Variants in USP9X observed in about 807,000 individuals in gnomAD.
USP9X encodes the protein ubiquitin specific peptidase 9 X-linked, also known as ubiquitin carboxyl-terminal hydrolase 9X.
Under a neutral mutation model 190.3 loss-of-function variants are expected in USP9X, and 7 were observed. The observed-to-expected ratio is 0.04, with a 90% CI of 0.02 to 0.07. The LOEUF (loss-of-function observed/expected upper bound fraction) is 0.07. Ranked by LOEUF, USP9X falls within the 10% of genes least tolerant of loss-of-function variation. The pLI is 1.00. For synonymous variants in USP9X, 645 were observed against 659.5 expected, an observed-to-expected ratio of 0.98 and a Z score of 0.34; for missense variants, 1,010 against 1,916.9, an observed-to-expected ratio of 0.53 and a Z score of 8.83.
At chrX:41,103,945 A>G (rs748205382) in intron 1 of USP9X, among the ~76,000 whole-genome samples, 19 of 111,920 alleles carry the variant, frequency 1.7e-4, no homozygotes, top group African/African-American at 6.2e-4. Flanking sequence ...GTTGTGTAGC[A>G]CCACATAATT....
In USP9X at chrX:41,232,660, C is replaced by T; in HGVS notation, c.*136C>T. On this transcript the variant is annotated 3_prime_UTR_variant, in exon 45 of 45. Coordinates refer to ENST00000378308, the MANE Select transcript of USP9X (RefSeq NM_001039591.3). ...ATGGAGTGGAGAGTTTATTCACTGT[C>T]TTATCTGCAGAAATTTGCTGTCAAT... 1 of 867,177 alleles carries T rather than the reference C, an allele frequency of 1.2e-6. No individual in the cohort carries two copies. The highest frequency in any genetic ancestry group is 1.6e-6 in the Non-Finnish European group (1 of 637,022). 71.5% of individuals were successfully genotyped at this position (867,177 alleles called of 1,213,427 possible).
chrX:41,203,974 A>G (rs1793067619), intron 31 of USP9X, among the ~76,000 whole-genome samples: 1 of 112,032 alleles, frequency 8.9e-6, no homozygotes, highest in African/African-American at 3.2e-5. Context: ...CTGGGATTAT[A>G]GGCATGAGCC....
At chrX:41,150,265 A>G (rs1367763635) in intron 12 of USP9X, among the ~76,000 whole-genome samples, 1 of 111,491 alleles carries the variant, frequency 9.0e-6, no homozygotes, top group Non-Finnish European at 1.9e-5. Context: ...TCTGATTACT[A>G]TTGACTTTAG....
intron 3 of USP9X, 48 bp from the exon 4 acceptor site, chrX:41,131,409 T>C (rs754804736): frequency 1.9e-6 from 2 of 1,069,282 alleles, no homozygotes; most frequent in South Asian, 4.3e-5. Context: ...GTAGTGCCTC[T>C]TTTAGTGTAC....
intron 5 of USP9X, 111 bp downstream of exon 5, chrX:41,134,948 T>A: frequency 1.8e-6 from 1 of 561,624 alleles, no homozygotes; most frequent in Non-Finnish European, 2.7e-6. Flanking sequence ...ATAATTGAAT[T>A]AAAAGGTCTA....
At chrX:41,215,832 TG>T in intron 34 of USP9X, 66 bp from the exon 35 acceptor site, 3 of 1,074,620 alleles carry the variant, frequency 2.8e-6, no homozygotes, top group Admixed American at 3.2e-5. Context: ...AAAGTTTGCT[TG>T]GGGTTTTTTT....
intron 5 of USP9X, 26 bp downstream of exon 5, chrX:41,134,863 G>GC: frequency 4.4e-6 from 5 of 1,126,491 alleles, no homozygotes; most frequent in Non-Finnish European, 6.1e-6. Context: ...GACTTTAAAG[G>GC]ATCAGATTTA....
intron 2 of USP9X, among the ~76,000 whole-genome samples, chrX:41,125,513 C>CT (rs898380006): frequency 9.3e-6 from 1 of 107,366 alleles, no homozygotes; most frequent in Non-Finnish European, 1.9e-5. Flanking sequence ...TTTTTATTAT[C>CT]TTTTTTGTGT....
At chrX:41,159,642 G>A (rs1414740509) in intron 14 of USP9X, among the ~76,000 whole-genome samples, 1 of 110,530 alleles carries the variant, frequency 9.0e-6, no homozygotes, top group Non-Finnish European at 1.9e-5. Context: ...TGATTATCAT[G>A]CCTCAACCTC....
chrX:41,191,832 A>G (rs2062938018), intron 26 of USP9X, among the ~76,000 whole-genome samples: 1 of 112,321 alleles, frequency 8.9e-6, no homozygotes, highest in South Asian at 3.7e-4. Context: ...TGGAAGGAGC[A>G]AAAGTGAAGG....
Position 41,229,555 on chromosome X carries a change from T to C in USP9X, c.7219-12T>C. ...AATCCTCTTATCTATATGGTTTTATTTTCTTTTGCAGGGCAATGGAGATCT... is the reference window on the plus strand; with the variant it reads ...AATCCTCTTATCTATATGGTTTTATCTTCTTTTGCAGGGCAATGGAGATCT... On this transcript the variant is annotated splice_polypyrimidine_tract_variant and intron_variant, in intron 42 of 44. Coordinates refer to ENST00000378308, the MANE Select transcript of USP9X (RefSeq NM_001039591.3). 1 of 1,207,412 alleles carries C rather than the reference T, an allele frequency of 8.3e-7. No individual in the cohort carries two copies. Among genetic ancestry groups the C allele is most frequent in the Non-Finnish European group, 1.1e-6 (1 of 894,035 alleles).
chrX:41,087,424 C>CT (rs768497805), intron 1 of USP9X, among the ~76,000 whole-genome samples: 2 of 112,343 alleles, frequency 1.8e-5, no homozygotes, highest in South Asian at 7.3e-4. Context: ...AAAATAGAGA[C>CT]TATAAACTCT....
chrX:41,125,684 A>T (rs1263920), intron 2 of USP9X, among the ~76,000 whole-genome samples: 3,096 of 18,601 alleles, frequency 0.17, 373 homozygotes, highest in African/African-American at 0.27. Context: ...ACACACACAC[A>T]CTCTCTCTCT....
intron 1 of USP9X, among the ~76,000 whole-genome samples, chrX:41,118,807 C>A (rs1003571928): frequency 2.7e-5 from 3 of 111,726 alleles, no homozygotes; most frequent in African/African-American, 9.8e-5. Context: ...GTAGAGCCAA[C>A]TCTCTAGTGG....
rs185275191 is a variant in USP9X at position 41,188,959 on chromosome X, G to T, written c.3811-350G>T. Among the ~76,000 whole-genome samples, 20 of 112,104 alleles carry T rather than the reference G, an allele frequency of 1.8e-4. No homozygotes were observed. The East Asian group carries it at 5.6e-3, about 31-fold the overall frequency. The stretch of plus-strand genomic sequence containing the variant: ...TGGCACAATAGGCAAGCAACATAAT[G>T]GAACTAGTCAAAAGTACCTAAGTGC... On this transcript the variant is annotated intron_variant, in intron 25 of 44. Coordinates refer to ENST00000378308, the MANE Select transcript of USP9X (RefSeq NM_001039591.3).
Position 41,197,550 on chromosome X carries a change from C to T in USP9X, c.4380+40C>T, listed in dbSNP as rs998295606. On this transcript the variant is annotated intron_variant, in intron 29 of 44. Transcript: ENST00000378308. ...CTTGGTTGTAAGCTACATATCATAACCTTCTAAATGTTTATAATCAAATTT... is the reference window on the plus strand; with the variant it reads ...CTTGGTTGTAAGCTACATATCATAATCTTCTAAATGTTTATAATCAAATTT... 5 of 1,132,338 alleles carry T rather than the reference C, an allele frequency of 4.4e-6. No individual in the cohort carries two copies. In the South Asian group the frequency reaches 1.0e-4, roughly 24 times the overall value. The allele number at this position is 1,132,338 out of a possible 1,213,427, so 93.3% of individuals were successfully genotyped here. A position where few individuals can be genotyped will look rare whatever the true frequency, so the allele number is the denominator to read the frequency against.
intron 1 of USP9X, among the ~76,000 whole-genome samples, chrX:41,099,911 C>G (rs1009006396): frequency 1.3e-4 from 15 of 111,617 alleles, no homozygotes; most frequent in Non-Finnish European, 1.9e-4. Flanking sequence ...TAGATACTCT[C>G]TACCCTCTTC....
chrX:41,092,960 A>G (rs2061964934), intron 1 of USP9X, among the ~76,000 whole-genome samples: 1 of 110,766 alleles, frequency 9.0e-6, no homozygotes, highest in Non-Finnish European at 1.9e-5. Context: ...GTAGCCTGGA[A>G]TTCCTGGGTT....
chrX:41,173,801 C>CA (rs1330128043), intron 21 of USP9X, among the ~76,000 whole-genome samples: 1 of 111,532 alleles, frequency 9.0e-6, no homozygotes, highest in Non-Finnish European at 1.9e-5. Flanking sequence ...TTCCAAAAAG[C>CA]AAAACTTGAA....
Sources: gnomAD v4.1 joint callset for allele counts (sites outside exome capture counted in the v4.1 genomes callset) on GRCh38, gnomAD v4.1.1 for gene constraint, MANE v1.5 for transcripts, NCBI Gene and HGNC (gene_info 2026-07-23, HGNC 2026-07-21) for gene names.